The following TMEM131L variants were observed in gnomAD, a reference collection of about 807,000 sequenced individuals.
TMEM131L encodes transmembrane protein 131-like.
Under a neutral mutation model 192.2 loss-of-function variants are expected in TMEM131L, and 54 were observed. The ratio of observed to expected loss-of-function variants is 0.28; its 90% CI spans 0.23 to 0.35. The LOEUF is 0.35. TMEM131L is among the 10% of genes least tolerant of loss of function. The probability of loss-of-function intolerance (pLI) is 1.00; values close to 1 mark genes in which losing one functional copy is unlikely to be tolerated. For synonymous variants in TMEM131L, 701 were observed against 704.9 expected (o/e 0.99, Z 0.09); for missense variants, 1,888 against 1,972.9 (o/e 0.96, Z 0.82).
chr4:153,587,381 C>T (rs1730767062), intron 14 of TMEM131L, among the ~76,000 whole-genome samples: 1 of 149,000 alleles, frequency 6.7e-6, no homozygotes, highest in Non-Finnish European at 1.5e-5. Context: ...CTAATCTAAT[C>T]TTTTTTTTTT....
chr4:153,470,974 G>GT (rs1200394796), intron 2 of TMEM131L, among the ~76,000 whole-genome samples: 5 of 147,322 alleles, frequency 3.4e-5, no homozygotes, highest in Admixed American at 1.3e-4. Flanking sequence ...AGTGCCTTCG[G>GT]TTTTTTTTGT....
In TMEM131L at chr4:153,636,517, G is replaced by A. The variant is rs1368302401; in HGVS notation, c.4774G>A (p.Ala1592Thr). 1 of 1,614,186 alleles carries A rather than the reference G, an allele frequency of 6.2e-7. No homozygotes were observed. The change falls in exon 35 of 35, where the codon GCG becomes ACG. Residue 1592 changes from alanine to threonine, a missense_variant. Coordinates refer to ENST00000409959, the MANE Select transcript of TMEM131L (RefSeq NM_001131007.2). ...YMNLDIWTTTANRNANFPLSR... is the reference protein window; with the variant it reads ...YMNLDIWTTTTNRNANFPLSR... Reference sequence around the variant, plus strand: ...GAACCTGGACATATGGACTACCACAGCGAATAGGAATGCAAATTTCCCACT... The same window carrying A: ...GAACCTGGACATATGGACTACCACAACGAATAGGAATGCAAATTTCCCACT...
chr4:153,468,876 T>G (rs1432725625), intron 2 of TMEM131L, among the ~76,000 whole-genome samples: 1 of 152,208 alleles, frequency 6.6e-6, no homozygotes, highest in Non-Finnish European at 1.5e-5. Flanking sequence ...TTTTGCTCAA[T>G]TATAGTTTCT....
chr4:153,558,016 C>T (rs1202142206), intron 6 of TMEM131L, among the ~76,000 whole-genome samples: 2 of 152,214 alleles, frequency 1.3e-5, no homozygotes, highest in Non-Finnish European at 2.9e-5. Context: ...AATGATCCAC[C>T]TCCCTGGGCC....
intron 2 of TMEM131L, among the ~76,000 whole-genome samples, chr4:153,471,852 G>T (rs1731182610): frequency 6.6e-6 from 1 of 152,216 alleles, no homozygotes; most frequent in African/African-American, 2.4e-5. Flanking sequence ...GAATAAGAAA[G>T]AATCTGCCTT....
intron 25 of TMEM131L, 21 bp downstream of exon 25, chr4:153,604,451 G>A: frequency 6.3e-7 from 1 of 1,578,526 alleles, no homozygotes; most frequent in Non-Finnish European, 8.6e-7. Context: ...CATCCCCTTT[G>A]ATAATTCTCT....
At chr4:153,479,567 G>A (rs973885133) in intron 3 of TMEM131L, among the ~76,000 whole-genome samples, 27 of 152,088 alleles carry the variant, frequency 1.8e-4, no homozygotes, top group African/African-American at 6.5e-4. Context: ...CAATGTATGA[G>A]TAGTATATTC....
In TMEM131L at chr4:153,620,758, A is replaced by G; in HGVS notation, c.3570A>G (p.Gln1190=). ...SEKQDIPFVE[Q]EDPYRKKKLQ... is the part of the protein sequence containing the mutation. Reference sequence around the variant, plus strand: ...AACATTTACTTTCTCTTCTTTAGCAAGAAGATCCTTATAGGAAGAAAAAGC... The same window carrying G: ...AACATTTACTTTCTCTTCTTTAGCAGGAAGATCCTTATAGGAAGAAAAAGC... The change falls in exon 27 of 35, where the codon CAA becomes CAG. Residue 1190 remains glutamine, a splice_region_variant and synonymous_variant. Transcript: ENST00000409959. The G allele has an allele frequency of 6.6e-7, 1 of 1,509,322 alleles. No individual in the cohort carries two copies. Among genetic ancestry groups the G allele is most frequent in the Non-Finnish European group, 9.0e-7 (1 of 1,108,186 alleles). 93.5% of individuals were successfully genotyped at this position (1,509,322 alleles called of 1,614,324 possible).
chr4:153,635,597 G>A, intron 34 of TMEM131L, 26 bp downstream of exon 34: 1 of 1,613,140 alleles, frequency 6.2e-7, no homozygotes, highest in Non-Finnish European at 8.5e-7. Context: ...CCTGTGCCGT[G>A]AACCCCTGGG....
At chr4:153,505,253 C>T (rs1733911985) in intron 3 of TMEM131L, among the ~76,000 whole-genome samples, 2 of 151,864 alleles carry the variant, frequency 1.3e-5, no homozygotes, top group Admixed American at 6.6e-5. Context: ...ACTACAGGCA[C>T]GCACCACCAC....
At chr4:153,544,445 AAG>A (rs1195032061) in intron 3 of TMEM131L, among the ~76,000 whole-genome samples, 1 of 152,144 alleles carries the variant, frequency 6.6e-6, no homozygotes. Flanking sequence ...TGGGCCAGCA[AAG>A]CCTTCCTGGG....
chr4:153,484,400 C>A (rs1224010561), intron 3 of TMEM131L, among the ~76,000 whole-genome samples: 1 of 152,002 alleles, frequency 6.6e-6, no homozygotes, highest in Non-Finnish European at 1.5e-5. Flanking sequence ...TAGTCTTTCT[C>A]AATGTTTTCT....
intron 7 of TMEM131L, among the ~76,000 whole-genome samples, chr4:153,572,150 C>T (rs762697126): frequency 2.4e-4 from 36 of 151,894 alleles, no homozygotes; most frequent in Non-Finnish European, 4.7e-4. Context: ...GGGTAATTAG[C>T]GTATTATCAC....
At chr4:153,558,207 A>C in intron 6 of TMEM131L, 51 bp from the exon 7 acceptor site, 1 of 977,998 alleles carries the variant, frequency 1.0e-6, no homozygotes, top group Non-Finnish European at 1.6e-6. Flanking sequence ...ATTATGGCAA[A>C]TGTGTTTTAA....
In TMEM131L at chr4:153,603,902, G is replaced by T. The variant is rs1732026313; in HGVS notation, c.2890G>T (p.Ala964Ser). 2 of 1,614,116 alleles carry T rather than the reference G, an allele frequency of 1.2e-6. No homozygotes were observed. Among genetic ancestry groups the T allele is most frequent in the Non-Finnish European group, 1.7e-6 (2 of 1,180,000 alleles). The change falls in exon 25 of 35, where the codon GCT becomes TCT. Residue 964 changes from alanine to serine, a missense_variant. Transcript: ENST00000409959. ...VNTPQSRIQN[A>S]AKRSPATYGH... ...CACTCCCCAAAGCAGGATCCAGAAT[G>T]CTGCAAAGAGGAGCCCAGCCACCTA... is the stretch of plus-strand genomic sequence containing the variant.
At chr4:153,556,451 T>C (rs1462597308) in intron 5 of TMEM131L, among the ~76,000 whole-genome samples, 1 of 152,182 alleles carries the variant, frequency 6.6e-6, no homozygotes, top group Non-Finnish European at 1.5e-5. Flanking sequence ...TTAGTGAAGA[T>C]CCTAATTGCT....
intron 3 of TMEM131L, among the ~76,000 whole-genome samples, chr4:153,539,610 T>C (rs1330900858): frequency 6.6e-6 from 1 of 150,464 alleles, no homozygotes; most frequent in Non-Finnish European, 1.5e-5. Context: ...AACACTGATA[T>C]ACATGTTAGT....
At chr4:153,473,772 A>G (rs1278114513) in intron 2 of TMEM131L, 73 bp from the exon 3 acceptor site, 2 of 1,269,236 alleles carry the variant, frequency 1.6e-6, no homozygotes, top group Admixed American at 4.5e-5. Context: ...AGCCTGGGTG[A>G]CAGAGCGAGA....
chr4:153,475,664 CTG>C (rs1216629395), intron 3 of TMEM131L, among the ~76,000 whole-genome samples: 6 of 150,934 alleles, frequency 4.0e-5, no homozygotes, highest in South Asian at 4.1e-4. Flanking sequence ...ATTCAACAAA[CTG>C]TGGATCGAAA....
Sources: allele counts gnomAD v4.1 joint callset (sites outside exome capture counted in the v4.1 genomes callset), GRCh38; gene constraint gnomAD v4.1.1; transcripts MANE v1.5; gene names NCBI Gene and HGNC (gene_info 2026-07-23, HGNC 2026-07-21).